EPHA6: variants seen among roughly 807,000 people sequenced by gnomAD.
The protein encoded by EPHA6 is ephrin type-A receptor 6.
EPHA6 carries 50 observed loss-of-function variants against 112.0 expected under a neutral mutation model. That is an observed-to-expected ratio of 0.45 (90% CI 0.36 to 0.56). The LOEUF (loss-of-function observed/expected upper bound fraction) is 0.56. Among genes scored for constraint, EPHA6 ranks in the 20% least tolerant of loss-of-function variants. The pLI, the probability that EPHA6 is intolerant of heterozygous loss-of-function variation, is 0.00. For synonymous variants in EPHA6, 529 were observed against 490.7 expected (o/e 1.08, Z -1.03); for missense variants, 1,280 against 1,417.4 (o/e 0.90, Z 1.56).
At chr3:97,470,564 G>GA (rs1334140398) in intron 7 of EPHA6, among the ~76,000 whole-genome samples, 1 of 151,516 alleles carries the variant, frequency 6.6e-6, no homozygotes, top group Non-Finnish European at 1.5e-5. Context: ...CTCCATAGAA[G>GA]AAAATTCTTT....
chr3:97,732,787 A>C (rs1225587146), intron 15 of EPHA6, among the ~76,000 whole-genome samples: 4 of 152,022 alleles, frequency 2.6e-5, no homozygotes, highest in African/African-American at 9.7e-5. Context: ...CCTTGAAAGT[A>C]CTCAAGAGCT....
At chr3:97,408,020 T>A (rs1703042290) in intron 6 of EPHA6, among the ~76,000 whole-genome samples, 1 of 152,102 alleles carries the variant, frequency 6.6e-6, no homozygotes, top group African/African-American at 2.4e-5. Flanking sequence ...AGGTTTGGTG[T>A]CTGGTGAGGG....
intron 2 of EPHA6, among the ~76,000 whole-genome samples, chr3:96,901,705 G>A (rs2038621904): frequency 6.6e-6 from 1 of 152,096 alleles, no homozygotes. Flanking sequence ...AATTACTGTT[G>A]CCAAGGAGAA....
chr3:97,054,727 A>G (rs574264252), intron 3 of EPHA6, among the ~76,000 whole-genome samples: 8 of 152,254 alleles, frequency 5.3e-5, no homozygotes, highest in Non-Finnish European at 1.0e-4. Flanking sequence ...GTATGCTCAG[A>G]AAAATGAAAT....
chr3:97,632,044 T>G (rs1235091233), intron 13 of EPHA6, among the ~76,000 whole-genome samples: 1 of 151,980 alleles, frequency 6.6e-6, no homozygotes, highest in Non-Finnish European at 1.5e-5. Context: ...ATATAAAAAT[T>G]TTGTAGTAGT....
chr3:97,113,485 G>T (rs185989025), intron 3 of EPHA6, among the ~76,000 whole-genome samples: 1 of 152,148 alleles, frequency 6.6e-6, no homozygotes, highest in Admixed American at 6.6e-5. Flanking sequence ...ATAGTTGTGG[G>T]CTACAGGCTC....
intron 10 of EPHA6, among the ~76,000 whole-genome samples, chr3:97,523,929 A>G (rs1445682623): frequency 6.6e-6 from 1 of 152,014 alleles, no homozygotes; most frequent in Non-Finnish European, 1.5e-5. Context: ...CCCATGCTCT[A>G]TTGGTTACCA....
chr3:96,961,527 G>A (rs761243900), intron 2 of EPHA6, among the ~76,000 whole-genome samples: 8 of 152,136 alleles, frequency 5.3e-5, no homozygotes, highest in South Asian at 4.1e-4. Context: ...TTTTTACTTC[G>A]CTTAATAAAT....
At chr3:96,926,149 A>T (rs576341930) in intron 2 of EPHA6, among the ~76,000 whole-genome samples, 8 of 152,126 alleles carry the variant, frequency 5.3e-5, no homozygotes, top group Non-Finnish European at 1.2e-4. Flanking sequence ...GTCATGGCAG[A>T]AGGGGAAGCA....
chr3:97,229,284 T>A (rs1247920300), intron 4 of EPHA6, among the ~76,000 whole-genome samples: 1 of 152,232 alleles, frequency 6.6e-6, no homozygotes, highest in Non-Finnish European at 1.5e-5. Flanking sequence ...GGTCATAAAC[T>A]CTTTGCATAA....
At chr3:97,019,570 T>C (rs1261040146) in intron 3 of EPHA6, among the ~76,000 whole-genome samples, 6 of 152,182 alleles carry the variant, frequency 3.9e-5, no homozygotes. Flanking sequence ...CTGGACACTT[T>C]CTTTATGCAT....
Position 97,752,846 on chromosome 3 carries a change from T to C in EPHA6, c.*4145T>C, listed in dbSNP as rs2035934022. Among the ~76,000 whole-genome samples the C allele has an allele frequency of 6.6e-6, 1 of 152,104 alleles. No individual in the cohort carries two copies. Among genetic ancestry groups the C allele is most frequent in the African/African-American group, 2.4e-5 (1 of 41,454 alleles). Reference sequence around the variant, plus strand: ...TGTTATTATAAACTCACAGTTGGTGTCCATGTCTCTATATATCAAAGAGAT... The same window carrying C: ...TGTTATTATAAACTCACAGTTGGTGCCCATGTCTCTATATATCAAAGAGAT... On this transcript the variant is annotated 3_prime_UTR_variant, in exon 18 of 18. Coordinates refer to ENST00000389672, the MANE Select transcript of EPHA6 (RefSeq NM_001080448.3).
At chr3:97,136,146 TC>T (rs1167584870) in intron 3 of EPHA6, among the ~76,000 whole-genome samples, 1 of 152,126 alleles carries the variant, frequency 6.6e-6, no homozygotes, top group Non-Finnish European at 1.5e-5. Context: ...CCTTTAGGAC[TC>T]CCACAGATGA....
At chr3:97,545,014 G>C (rs1293197919) in intron 11 of EPHA6, among the ~76,000 whole-genome samples, 1 of 152,118 alleles carries the variant, frequency 6.6e-6, no homozygotes, top group African/African-American at 2.4e-5. Context: ...CAAAAAACCA[G>C]CTCCTGGATT....
At chr3:97,196,782 C>T (rs568925456) in intron 3 of EPHA6, among the ~76,000 whole-genome samples, 21 of 151,974 alleles carry the variant, frequency 1.4e-4, no homozygotes, top group African/African-American at 3.1e-4. Flanking sequence ...AATGAATTCT[C>T]TGTATTACCA....
At position 97,235,098 on chromosome 3, in the gene EPHA6, C is replaced by T. The variant is rs541230802; in HGVS notation, c.1270+8679C>T. Among the ~76,000 whole-genome samples, 3 of 152,166 alleles carry T rather than the reference C, an allele frequency of 2.0e-5. No individual in the cohort carries two copies. The South Asian group carries it at 6.2e-4, about 32-fold the overall frequency. On this transcript the variant is annotated intron_variant, in intron 4 of 17. Transcript: ENST00000389672. ...TTTTAGGGCAGGCATTTCCTGACTG[C>T]CCCCTCAAAATAAAATTATTCGCAG...
intron 6 of EPHA6, among the ~76,000 whole-genome samples, chr3:97,446,708 A>G (rs2107309694): frequency 6.6e-6 from 1 of 152,290 alleles, no homozygotes; most frequent in East Asian, 1.9e-4. Flanking sequence ...AGATTGAAAA[A>G]TCCAAATGTT....
chr3:96,968,784 A>T (rs976734956), intron 2 of EPHA6, among the ~76,000 whole-genome samples: 27 of 151,882 alleles, frequency 1.8e-4, no homozygotes, highest in African/African-American at 6.5e-4. Context: ...TAAGCGAATG[A>T]CTATTAAGCA....
At chr3:97,503,490 C>G (rs1011978814) in intron 10 of EPHA6, among the ~76,000 whole-genome samples, 1 of 152,166 alleles carries the variant, frequency 6.6e-6, no homozygotes, top group African/African-American at 2.4e-5. Context: ...TCCTTCTACC[C>G]TGCACCAAAA....
Sources: gnomAD v4.1 joint callset for allele counts (sites outside exome capture counted in the v4.1 genomes callset) on GRCh38, gnomAD v4.1.1 for gene constraint, MANE v1.5 for transcripts, NCBI Gene and HGNC (gene_info 2026-07-23, HGNC 2026-07-21) for gene names.